The following ATRX variants were observed in gnomAD, a reference collection of about 807,000 sequenced individuals.
ATRX encodes chromatin remodeler ATRX.
A neutral mutation model predicts 172.6 loss-of-function variants in ATRX; 12 were observed. That is an observed-to-expected ratio of 0.07 (90% CI 0.04 to 0.11). The LOEUF is 0.11. Among genes scored for constraint, ATRX ranks in the 10% least tolerant of loss-of-function variants. The pLI is 1.00. For synonymous variants in ATRX, 674 were observed against 594.7 expected (o/e 1.13, Z -1.94); for missense variants, 1,368 against 1,767.4 (o/e 0.77, Z 4.05).
chrX:77,575,494 A>G (rs1569525256), intron 27 of ATRX: 1 of 111,778 alleles, frequency 8.9e-6, no homozygotes, highest in African/African-American at 3.2e-5. Flanking sequence ...ATTAAAATAA[A>G]TAATCATAAA....
rs1307318473 is a variant in ATRX, at chrX:77,506,016, A to G, written c.*2335T>C. ...TGATGGACTGAAACATTACTATACA[A>G]CTGGGACAAAACATATACAATATCA... On this transcript the variant is annotated 3_prime_UTR_variant, in exon 35 of 35. Transcript: ENST00000373344. 9 of 168,683 alleles carry G rather than the reference A, an allele frequency of 5.3e-5. No homozygotes were observed. The highest frequency in any genetic ancestry group is 1.0e-4 in the Non-Finnish European group (9 of 87,866). The allele number at this position is 168,683 out of a possible 1,213,427, so 13.9% of individuals were successfully genotyped here.
At chrX:77,693,735 G>C in intron 6 of ATRX, 89 bp downstream of exon 6, 1 of 682,870 alleles carries the variant, frequency 1.5e-6, no homozygotes, top group Admixed American at 2.4e-5. Flanking sequence ...AGGCAGAAAA[G>C]TGGAGGTATT....
chrX:77,528,351 GGAA>G (rs1219011448), intron 30 of ATRX, among the ~76,000 whole-genome samples: 1 of 111,530 alleles, frequency 9.0e-6, no homozygotes, highest in African/African-American at 3.3e-5. Flanking sequence ...GTGGTACAGA[GGAA>G]GAAAAGGGTC....
At chrX:77,767,284 A>C in intron 1 of ATRX, among the ~76,000 whole-genome samples, 1 of 109,165 alleles carries the variant, frequency 9.2e-6, no homozygotes, top group East Asian at 2.9e-4. Context: ...GGAGAGGGGG[A>C]GAGAGGTAGA....
chrX:77,748,082 C>T (rs2075154170), intron 1 of ATRX, among the ~76,000 whole-genome samples: 1 of 111,788 alleles, frequency 8.9e-6, no homozygotes, highest in African/African-American at 3.2e-5. Flanking sequence ...TTTAACTAAA[C>T]CCATCTACAA....
chrX:77,596,567 G>A (rs1054708303), intron 25 of ATRX: 27 of 110,916 alleles, frequency 2.4e-4, no homozygotes, highest in African/African-American at 8.5e-4. Context: ...CAACTAAAAT[G>A]AAACAAAAAT....
intron 6 of ATRX, among the ~76,000 whole-genome samples, 166 bp from the exon 7 acceptor site, chrX:77,689,093 AAG>A (rs1557145701): frequency 8.0e-5 from 9 of 112,684 alleles, no homozygotes; most frequent in Admixed American, 4.7e-4. Context: ...TCGACTTACT[AAG>A]CACATGACAA....
intron 15 of ATRX, among the ~76,000 whole-genome samples, chrX:77,643,030 T>C (rs1298129318): frequency 8.9e-6 from 1 of 111,863 alleles, no homozygotes; most frequent in African/African-American, 3.3e-5. Flanking sequence ...TTTTTACTTG[T>C]CCTTGCCCCA....
At chrX:77,622,779 G>A (rs781906328) in intron 19 of ATRX, among the ~76,000 whole-genome samples, 1 of 110,584 alleles carries the variant, frequency 9.0e-6, no homozygotes. Context: ...CGGCGCTGGA[G>A]GGGTAGGGGG....
chrX:77,659,179 A>G (rs1303934789), intron 12 of ATRX, among the ~76,000 whole-genome samples: 1 of 111,029 alleles, frequency 9.0e-6, no homozygotes, highest in Non-Finnish European at 1.9e-5. Context: ...TCACTGAATC[A>G]TACACTTAAA....
intron 12 of ATRX, among the ~76,000 whole-genome samples, chrX:77,659,674 T>A (rs1292212087): frequency 9.0e-6 from 1 of 111,605 alleles, no homozygotes; most frequent in African/African-American, 3.3e-5. Flanking sequence ...AAGGCAATAT[T>A]TACAATTTCA....
At chrX:77,702,344 G>A (rs782222007) in intron 2 of ATRX, among the ~76,000 whole-genome samples, 3 of 111,995 alleles carry the variant, frequency 2.7e-5, no homozygotes, top group South Asian at 3.7e-4. Context: ...TCGGTAAGCC[G>A]AGGCAAGAGA....
chrX:77,661,108 T>A (rs1209150416), intron 12 of ATRX, among the ~76,000 whole-genome samples: 1 of 112,244 alleles, frequency 8.9e-6, no homozygotes, highest in Non-Finnish European at 1.9e-5. Context: ...AAAAAAGTGG[T>A]CATGCTGAGA....
Position 77,517,998 on chromosome X carries a change from G to A in ATRX, c.7200+2790C>T, listed in dbSNP as rs190667248. Among the ~76,000 whole-genome samples the A allele has an allele frequency of 7.2e-3, 808 of 111,574 alleles. 5 individuals are homozygous for A. The highest frequency in any genetic ancestry group is 0.012 in the Non-Finnish European group (636 of 52,987). On this transcript the variant is annotated intron_variant, in intron 34 of 34. Coordinates refer to ENST00000373344, the MANE Select transcript of ATRX (RefSeq NM_000489.6). ...TTCATGATATAAATCCTCAAAATAC[G>A]GTTATAGAAGGAACATACCTCAACA... is the stretch of plus-strand genomic sequence containing the variant.
In ATRX at chrX:77,656,618, C is replaced by T. The variant is rs137867958; in HGVS notation, c.4156G>A (p.Glu1386Lys). 16 of 1,203,745 alleles carry T rather than the reference C, an allele frequency of 1.3e-5. No individual in the cohort carries two copies. The highest frequency in any genetic ancestry group is 5.3e-5 in the African/African-American group (3 of 57,020). ...SEDSEDSDFQ[E>K]SGVSEEVSES... ...CTAACTTCTTCACTAACTCCTGATTCCTGAAAATCAGAATCTTCTGAATCT... is the reference window on the plus strand; with the variant it reads ...CTAACTTCTTCACTAACTCCTGATTTCTGAAAATCAGAATCTTCTGAATCT... Residue 1386 changes from glutamate to lysine, a missense_variant, in exon 13 of 35, where the codon GAA becomes AAA. Glu to Lys is a moderately conservative substitution (Grantham distance 56). Coordinates refer to ENST00000373344, the MANE Select transcript of ATRX (RefSeq NM_000489.6).
intron 25 of ATRX, among the ~76,000 whole-genome samples, chrX:77,597,402 G>A (rs1416719685): frequency 1.8e-5 from 2 of 108,359 alleles, no homozygotes; most frequent in Non-Finnish European, 3.8e-5. Flanking sequence ...ATTGACAACT[G>A]GGACCTAATT....
intron 34 of ATRX, 148 bp downstream of exon 34, chrX:77,520,640 T>C (rs2063199976): frequency 1.6e-6 from 1 of 631,478 alleles, no homozygotes; most frequent in Non-Finnish European, 2.3e-6. Context: ...TTGACATTCC[T>C]GGGTTTTTTA....
At chrX:77,719,899 C>T (rs1007198530) in intron 1 of ATRX, among the ~76,000 whole-genome samples, 2 of 111,787 alleles carry the variant, frequency 1.8e-5, no homozygotes, top group East Asian at 2.8e-4. Context: ...AGCACCTCAT[C>T]GTGCTTATTC....
intron 19 of ATRX, among the ~76,000 whole-genome samples, chrX:77,627,838 C>T (rs2067940420): frequency 9.0e-6 from 1 of 110,903 alleles, no homozygotes; most frequent in Non-Finnish European, 1.9e-5. Context: ...TGCACTCCAG[C>T]CTGGGTAACA....
Sources: gnomAD v4.1 joint callset for allele counts (sites outside exome capture counted in the v4.1 genomes callset) on GRCh38, gnomAD v4.1.1 for gene constraint, MANE v1.5 for transcripts, NCBI Gene and HGNC (gene_info 2026-07-23, HGNC 2026-07-21) for gene names.